Variants in RMDN1 observed in about 807,000 individuals in gnomAD.
The protein encoded by RMDN1 is regulator of microtubule dynamics protein 1.
A neutral mutation model predicts 48.9 loss-of-function variants in RMDN1; 48 were observed. That is an observed-to-expected ratio of 0.98 (90% CI 0.78 to 1.25). The LOEUF is 1.25. Ranked by LOEUF, RMDN1 falls within the 50% of genes most tolerant of loss-of-function variation. The probability of loss-of-function intolerance (pLI) is 0.00; values close to 1 mark genes in which losing one functional copy is unlikely to be tolerated. For synonymous variants in RMDN1, 148 were observed against 132.6 expected (o/e 1.12, Z -0.80); for missense variants, 418 against 373.4 (o/e 1.12, Z -0.98).
At chr8:86,502,830 G>C (rs959406954) in intron 2 of RMDN1, among the ~76,000 whole-genome samples, 1 of 152,110 alleles carries the variant, frequency 6.6e-6, no homozygotes, top group African/African-American at 2.4e-5. Flanking sequence ...GGTCTCTGTA[G>C]CATGTTCTTT....
At chr8:86,508,735 C>G, upstream of RMDN1, 1 of 1,401,752 alleles carries the variant, frequency 7.1e-7, no homozygotes, top group Non-Finnish European at 9.2e-7. Flanking sequence ...TCCTGCACAG[C>G]ACCTCTTCCG....
At chr8:86,492,807 T>A (rs1816727546) in intron 2 of RMDN1, among the ~76,000 whole-genome samples, 1 of 151,866 alleles carries the variant, frequency 6.6e-6, no homozygotes, top group Non-Finnish European at 1.5e-5. Context: ...TATAATCCCA[T>A]CCAACTAAAA....
At position 86,486,757 on chromosome 8, in the gene RMDN1, A is replaced by G. The variant is rs773236223; in HGVS notation, c.336-114T>C. On this transcript the variant is annotated intron_variant, in intron 3 of 9. Transcript: ENST00000406452. ...TTCAGCTTAGGAAGCTAGCAACATG[A>G]TATCAAAAGCCATTAGTAATAATGC... The G allele has an allele frequency of 1.7e-5, 11 of 662,316 alleles. No individual in the cohort carries two copies. In the Admixed American group the frequency reaches 1.9e-4, roughly 11 times the overall value. The allele number at this position is 662,316 out of a possible 1,614,324, so 41.0% of individuals were successfully genotyped here.
Position 86,479,013 on chromosome 8 carries a change from A to G in RMDN1, c.642-3T>C. 5.6e-6 allele frequency: 9 copies of G among 1,609,550 alleles called. No homozygotes were observed. In the South Asian group the frequency reaches 7.7e-5, roughly 14 times the overall value. On this transcript the variant is annotated splice_polypyrimidine_tract_variant and splice_region_variant and intron_variant, in intron 6 of 9. Transcript: ENST00000406452. ...GCATTTCGGCAAATGTATAGCACCT[A>G]CAGGGAAATAAAACAATTTTATACA...
intron 2 of RMDN1, chr8:86,504,461 C>G (rs960456797): frequency 1.4e-5 from 22 of 1,557,868 alleles, no homozygotes; most frequent in South Asian, 4.4e-5. Flanking sequence ...TATTACTCAA[C>G]AGGAATCTTC....
At chr8:86,501,319 A>G (rs1333392148) in intron 2 of RMDN1, among the ~76,000 whole-genome samples, 1 of 152,166 alleles carries the variant, frequency 6.6e-6, no homozygotes, top group African/African-American at 2.4e-5. Context: ...CATCTTTACA[A>G]TCATTTCTAT....
At chr8:86,472,298 T>G (rs1478083842), downstream of RMDN1, 1 of 622,974 alleles carries the variant, frequency 1.6e-6, no homozygotes, top group African/African-American at 1.8e-5. Context: ...AAAATGATGC[T>G]ACAGGTAGAA....
intron 3 of RMDN1, among the ~76,000 whole-genome samples, chr8:86,487,135 A>G (rs1199467734): frequency 9.9e-5 from 15 of 152,224 alleles, no homozygotes. Flanking sequence ...CTAATGAATG[A>G]ATGGTTGAAT....
At chr8:86,470,178 T>C (rs775575259), downstream of RMDN1, 1 of 1,288,732 alleles carries the variant, frequency 7.8e-7, no homozygotes, top group South Asian at 1.2e-5. Context: ...ATAGCCTATG[T>C]ATGTAATAAC....
Position 86,474,885 on chromosome 8 carries a change from T to C in RMDN1, c.829A>G (p.Lys277Glu). The C allele has an allele frequency of 6.2e-7, 1 of 1,613,410 alleles. No individual in the cohort carries two copies. The highest frequency in any genetic ancestry group is 8.5e-7 in the Non-Finnish European group (1 of 1,179,708). Residue 277 changes from lysine (K) to glutamate (E), a missense_variant, in exon 9 of 10, where the codon AAG (lysine) becomes GAG (glutamate). Coordinates refer to ENST00000406452, the MANE Select transcript of RMDN1 (RefSeq NM_016033.3). ...TTCATTAGCCAGAAAGCAGCAAGCT[T>C]TTTGTTGTGTAGTTTCAAGTATGTC... ...GKTYLKLHNKKLAAFWLMKAK... is the reference protein window; with the variant it reads ...GKTYLKLHNKELAAFWLMKAK...
At chr8:86,490,002 A>AC (rs1816230598) in intron 2 of RMDN1, among the ~76,000 whole-genome samples, 7 of 152,160 alleles carry the variant, frequency 4.6e-5, no homozygotes, top group African/African-American at 1.7e-4. Context: ...AAAATTAAAT[A>AC]AAGATTATTT....
chr8:86,477,387 G>T, intron 7 of RMDN1, 63 bp from the exon 8 acceptor site: 1 of 1,319,598 alleles, frequency 7.6e-7, no homozygotes, highest in Non-Finnish European at 1.1e-6. Context: ...TATTAAAAAA[G>T]CATTGTCTCA....
intron 2 of RMDN1, chr8:86,505,148 G>C (rs748865031): frequency 9.7e-5 from 118 of 1,222,350 alleles, no homozygotes; most frequent in Non-Finnish European, 1.2e-4. Context: ...ATGAACCCAG[G>C]ACTGCTTCTG....
At position 86,473,710 on chromosome 8, in the gene RMDN1, G is replaced by T; in HGVS notation, c.*598C>A. On this transcript the variant is annotated 3_prime_UTR_variant, in exon 10 of 10. Coordinates refer to ENST00000406452, the MANE Select transcript of RMDN1 (RefSeq NM_016033.3). ...GAACCCGGGAGGCGGAGGCTGCAGT[G>T]GGCCGAGATTGTGCCACTGCACACC... 1.6e-6 allele frequency: 1 copy of T among 607,392 alleles called. No homozygotes were observed. Among genetic ancestry groups the T allele is most frequent in the Non-Finnish European group, 2.1e-6 (1 of 484,780 alleles). The allele number at this position is 607,392 out of a possible 1,614,324, so 37.6% of individuals were successfully genotyped here.
At chr8:86,480,361 A>T in intron 5 of RMDN1, 29 bp from the exon 6 acceptor site, 1 of 1,332,910 alleles carries the variant, frequency 7.5e-7, no homozygotes, top group Non-Finnish European at 1.0e-6. Context: ...AATAAATCAT[A>T]TTTGTTTTCT....
intron 2 of RMDN1, among the ~76,000 whole-genome samples, chr8:86,491,129 AATTT>A (rs930761919): frequency 2.4e-3 from 357 of 151,352 alleles, no homozygotes; most frequent in African/African-American, 7.0e-3. Flanking sequence ...TATATATATA[AATTT>A]ATTTATTTAT....
At chr8:86,484,797 T>A (rs1232417627) in intron 5 of RMDN1, 75 bp downstream of exon 5, 2 of 799,454 alleles carry the variant, frequency 2.5e-6, no homozygotes, top group Admixed American at 4.6e-5. Context: ...TATACAGCAA[T>A]AGATAATGAA....
At position 86,474,111 on chromosome 8, in the gene RMDN1, T is replaced by G; in HGVS notation, c.*197A>C. 1 of 1,304,900 alleles carries G rather than the reference T, an allele frequency of 7.7e-7. No homozygotes were observed. The allele number at this position is 1,304,900 out of a possible 1,614,324, so 80.8% of individuals were successfully genotyped here. ...TCTCTTTGCCTGAGCCATGGAGATT[T>G]ATTTCTACCACTCTTATGGCGATTA... On this transcript the variant is annotated 3_prime_UTR_variant, in exon 10 of 10. Coordinates refer to ENST00000406452, the MANE Select transcript of RMDN1 (RefSeq NM_016033.3).
At chr8:86,485,504 G>A (rs1482440888) in intron 4 of RMDN1, among the ~76,000 whole-genome samples, 1 of 152,146 alleles carries the variant, frequency 6.6e-6, no homozygotes, top group African/African-American at 2.4e-5. Flanking sequence ...AGAAAGTGGT[G>A]AATTTTCCAA....
Sources: gnomAD v4.1 joint callset for allele counts (sites outside exome capture counted in the v4.1 genomes callset) on GRCh38, gnomAD v4.1.1 for gene constraint, MANE v1.5 for transcripts, NCBI Gene and HGNC (gene_info 2026-07-23, HGNC 2026-07-21) for gene names.